The following THRB variants were observed in gnomAD, a reference collection of about 807,000 sequenced individuals.
THRB encodes thyroid hormone receptor beta.
In THRB, 12 loss-of-function variants were observed where a neutral mutation model predicts 47.8. That is an observed-to-expected ratio of 0.25 (90% confidence interval 0.16 to 0.41). The LOEUF is 0.41. THRB is among the 10% of genes least tolerant of loss of function. The probability of loss-of-function intolerance (pLI) is 1.00; values close to 1 mark genes in which losing one functional copy is unlikely to be tolerated. For synonymous variants in THRB, 218 were observed against 212.2 expected, an observed-to-expected ratio of 1.03 and a Z score of -0.24; for missense variants, 348 against 589.2, an observed-to-expected ratio of 0.59 and a Z score of 4.24.
intron 3 of THRB, among the ~76,000 whole-genome samples, chr3:24,270,184 G>C (rs1170180285): frequency 6.6e-6 from 1 of 152,032 alleles, no homozygotes; most frequent in Non-Finnish European, 1.5e-5. Flanking sequence ...TTTAATAATT[G>C]GTCTTGCTTC....
chr3:24,210,531 A>G (rs1211486797), intron 4 of THRB, among the ~76,000 whole-genome samples: 1 of 152,074 alleles, frequency 6.6e-6, no homozygotes, highest in Non-Finnish European at 1.5e-5. Context: ...ATGTTGCTCA[A>G]CATCTTAGAC....
At chr3:24,227,958 A>G (rs2047841659) in intron 4 of THRB, among the ~76,000 whole-genome samples, 1 of 152,202 alleles carries the variant, frequency 6.6e-6, no homozygotes, top group African/African-American at 2.4e-5. Flanking sequence ...CGACTGAGCC[A>G]TAAGTCTATA....
chr3:24,146,235 C>T (rs2036083335), intron 7 of THRB, among the ~76,000 whole-genome samples: 1 of 152,146 alleles, frequency 6.6e-6, no homozygotes, highest in Admixed American at 6.5e-5. Context: ...AAAATAAATT[C>T]CTGTCTTTGC....
rs867925816 is a variant in THRB at position 24,281,696 on chromosome 3, C to T, written c.-43+15530G>A. ...TGCTGTATTCAGGAAACCCATCTCACGTGCAGAGACACACATAGGCTCAAA... is the reference window on the plus strand; with the variant it reads ...TGCTGTATTCAGGAAACCCATCTCATGTGCAGAGACACACATAGGCTCAAA... On this transcript the variant is annotated intron_variant, in intron 3 of 10. Transcript: ENST00000646209. Among the ~76,000 whole-genome samples, 296 of 100,376 alleles carry T rather than the reference C, an allele frequency of 2.9e-3. 4 individuals carry two copies. Among genetic ancestry groups the T allele is most frequent in the African/African-American group, 9.3e-3 (265 of 28,634 alleles). The allele number at this position is 100,376 out of a possible 152,430, so 65.9% of individuals were successfully genotyped here.
intron 1 of THRB, among the ~76,000 whole-genome samples, chr3:24,375,212 A>G (rs1030327698): frequency 6.6e-6 from 1 of 151,426 alleles, no homozygotes; most frequent in African/African-American, 2.4e-5. Context: ...AGCATACACT[A>G]TCTTTTAAAT....
rs185824161 is a variant in THRB at position 24,199,855 on chromosome 3, G to A, written c.23-9521C>T. ...TCATTTGGCTGCATGAAAACATGGC[G>A]GTGACCAGGTTCATAGGCAACATCT... On this transcript the variant is annotated intron_variant, in intron 4 of 10. Transcript: ENST00000646209. Among the ~76,000 whole-genome samples the A allele has an allele frequency of 5.6e-4, 86 of 152,246 alleles. 1 individual carries two copies. In the South Asian group the frequency reaches 6.0e-3, roughly 11 times the overall value.
intron 4 of THRB, among the ~76,000 whole-genome samples, chr3:24,206,717 G>C (rs549701982): frequency 1.1e-4 from 16 of 152,224 alleles, no homozygotes; most frequent in African/African-American, 3.9e-4. Flanking sequence ...CCAGGAGCTG[G>C]TTTTTTGAAA....
intron 1 of THRB, among the ~76,000 whole-genome samples, chr3:24,490,737 C>T (rs1257899995): frequency 6.6e-6 from 1 of 152,082 alleles, no homozygotes; most frequent in East Asian, 1.9e-4. Context: ...GGCTGACACA[C>T]TAGATATTTG....
intron 1 of THRB, among the ~76,000 whole-genome samples, chr3:24,349,874 G>A (rs1283832985): frequency 1.3e-5 from 2 of 151,900 alleles, no homozygotes; most frequent in Admixed American, 6.6e-5. Context: ...AGGTAATAAA[G>A]GAAAAGGTAA....
rs548087727 is a variant in THRB at position 24,332,227 on chromosome 3, C to T, written c.-189+5073G>A. Among the ~76,000 whole-genome samples, 4 of 152,288 alleles carry T rather than the reference C, an allele frequency of 2.6e-5. No homozygotes were observed. In the South Asian group the frequency reaches 6.2e-4, roughly 24 times the overall value. On this transcript the variant is annotated intron_variant, in intron 2 of 10. Transcript: ENST00000646209. ...TTGTTGCTGTTGTCTAGAATTTATA[C>T]ATGAAGGCTAGCACCCCAGCAGTTA...
chr3:24,481,601 T>G (rs931620810), intron 1 of THRB, among the ~76,000 whole-genome samples: 2 of 152,058 alleles, frequency 1.3e-5, no homozygotes, highest in Admixed American at 1.3e-4. Context: ...AATATAGATA[T>G]ATAGCAAGTG....
Position 24,218,338 on chromosome 3 carries a change from CTCTCTT to C in THRB, c.22+10594_22+10599del, listed in dbSNP as rs1168380080. The stretch of plus-strand genomic sequence containing the variant: ...ATAAATTTTTTGTCTCTCTCTCTCT[CTCTCTT>C]TTTTTTTTTTTTTTTTTTAAAAAGA... On this transcript the variant is annotated intron_variant, in intron 4 of 10. Transcript: ENST00000646209. Among the ~76,000 whole-genome samples the C allele has an allele frequency of 4.5e-3, 479 of 105,948 alleles. 3 individuals carry two copies. Among genetic ancestry groups the C allele is most frequent in the African/African-American group, 0.021 (440 of 21,018 alleles). 69.5% of individuals were successfully genotyped at this position (105,948 alleles called of 152,430 possible).
At chr3:24,228,834 A>T (rs1350221113) in intron 4 of THRB, 104 bp downstream of exon 4, 1 of 1,054,454 alleles carries the variant, frequency 9.5e-7, no homozygotes, top group East Asian at 2.4e-5. Context: ...GTTTGGAAAT[A>T]ACGGTTGCTA....
intron 3 of THRB, among the ~76,000 whole-genome samples, chr3:24,273,443 G>C (rs2053562504): frequency 6.6e-6 from 1 of 152,160 alleles, no homozygotes; most frequent in South Asian, 2.1e-4. Flanking sequence ...ACAGGGTTAT[G>C]GTTATAACTG....
intron 1 of THRB, among the ~76,000 whole-genome samples, chr3:24,342,653 G>A (rs2062748819): frequency 6.6e-6 from 1 of 152,156 alleles, no homozygotes; most frequent in Admixed American, 6.5e-5. Flanking sequence ...GTAATACAGA[G>A]GCAGGGCATG....
chr3:24,266,606 G>A (rs1241261517), intron 3 of THRB, among the ~76,000 whole-genome samples: 1 of 152,164 alleles, frequency 6.6e-6, no homozygotes, highest in Non-Finnish European at 1.5e-5. Flanking sequence ...GCAGCTGATG[G>A]AAGGGACTCG....
chr3:24,216,091 A>G (rs2046535248), intron 4 of THRB, among the ~76,000 whole-genome samples: 1 of 152,198 alleles, frequency 6.6e-6, no homozygotes, highest in African/African-American at 2.4e-5. Context: ...GCTATCTTTT[A>G]TATCATTCAA....
intron 3 of THRB, among the ~76,000 whole-genome samples, chr3:24,281,742 C>G (rs1289261242): frequency 7.2e-6 from 1 of 139,224 alleles, no homozygotes; most frequent in Non-Finnish European, 1.6e-5. Context: ...GGAGGAAGAT[C>G]TACCAAGCAA....
At chr3:24,306,345 T>C (rs1182035486) in intron 2 of THRB, among the ~76,000 whole-genome samples, 1 of 152,232 alleles carries the variant, frequency 6.6e-6, no homozygotes, top group African/African-American at 2.4e-5. Flanking sequence ...GGCAGGAATC[T>C]GTCAACAGTG....
Sources: gnomAD v4.1 joint callset for allele counts (sites outside exome capture counted in the v4.1 genomes callset) on GRCh38, gnomAD v4.1.1 for gene constraint, MANE v1.5 for transcripts, NCBI Gene and HGNC (gene_info 2026-07-23, HGNC 2026-07-21) for gene names.